The following GPR158 variants were observed in gnomAD, a reference collection of about 807,000 sequenced individuals.
GPR158 encodes G protein-coupled receptor 158, also known as metabotropic glycine receptor.
A neutral mutation model predicts 78.2 loss-of-function variants in GPR158; 30 were observed. That is an observed-to-expected ratio of 0.38 (90% CI 0.29 to 0.52). The LOEUF is 0.52. Among genes scored for constraint, GPR158 ranks in the 20% least tolerant of loss-of-function variants. GPR158 has a pLI of 0.83. For missense variants in GPR158, 1,463 were observed against 1,523.5 expected, an observed-to-expected ratio of 0.96 and a Z score of 0.66; for synonymous variants, 581 against 591.1, an observed-to-expected ratio of 0.98 and a Z score of 0.25.
In GPR158 at chr10:25,450,544, T is replaced by TA. The variant is rs559395098; in HGVS notation, c.1336-16102dup. ...TCACTTATCTTGCTTCCTTATTCCG[T>TA]AAAAATTTTTAAATGCTTACAGTAT... is the stretch of plus-strand genomic sequence containing the variant. On this transcript the variant is annotated intron_variant, in intron 4 of 10. Coordinates refer to ENST00000376351, the MANE Select transcript of GPR158 (RefSeq NM_020752.3). Among the ~76,000 whole-genome samples, 234 of 152,226 alleles carry TA rather than the reference T, an allele frequency of 1.5e-3. 1 individual carries two copies. Among genetic ancestry groups the TA allele is most frequent in the African/African-American group, 5.3e-3 (222 of 41,540 alleles).
At chr10:25,331,363 A>C (rs1855119754) in intron 2 of GPR158, among the ~76,000 whole-genome samples, 1 of 152,200 alleles carries the variant, frequency 6.6e-6, no homozygotes, top group Non-Finnish European at 1.5e-5. Flanking sequence ...AGTATACCAC[A>C]TTTAGCAGTA....
intron 2 of GPR158, among the ~76,000 whole-genome samples, chr10:25,276,585 T>C (rs1221523216): frequency 6.6e-6 from 1 of 152,122 alleles, no homozygotes; most frequent in Non-Finnish European, 1.5e-5. Flanking sequence ...GTGCAGTACA[T>C]TACATTAGTA....
intron 7 of GPR158, among the ~76,000 whole-genome samples, chr10:25,576,872 A>C (rs75766995): frequency 1.3e-5 from 2 of 150,322 alleles, no homozygotes; most frequent in Non-Finnish European, 3.0e-5. Context: ...TAAATTTTTG[A>C]TGGTGTTTTT....
At chr10:25,422,318 GC>G (rs1564450793) in intron 4 of GPR158, among the ~76,000 whole-genome samples, 2 of 152,082 alleles carry the variant, frequency 1.3e-5, no homozygotes, top group African/African-American at 4.8e-5. Context: ...TACCACCTAC[GC>G]TCCACCTGCT....
At chr10:25,369,195 C>A (rs1250375305) in intron 2 of GPR158, among the ~76,000 whole-genome samples, 1 of 151,038 alleles carries the variant, frequency 6.6e-6, no homozygotes, top group Non-Finnish European at 1.5e-5. Flanking sequence ...CCAGAACTTC[C>A]AACACTATGT....
chr10:25,378,602 T>C (rs1404344068), intron 2 of GPR158, among the ~76,000 whole-genome samples: 1 of 131,066 alleles, frequency 7.6e-6, no homozygotes, highest in African/African-American at 2.8e-5. Context: ...TTCCTTCTCT[T>C]TGCCAGTTAG....
intron 5 of GPR158, among the ~76,000 whole-genome samples, chr10:25,485,644 A>T (rs1835726322): frequency 6.6e-6 from 1 of 152,216 alleles, no homozygotes; most frequent in Admixed American, 6.5e-5. Context: ...TGAAGAAAAT[A>T]CATGGTATTT....
intron 7 of GPR158, among the ~76,000 whole-genome samples, chr10:25,577,952 C>T (rs77579806): frequency 1.1e-3 from 166 of 152,302 alleles, no homozygotes; most frequent in African/African-American, 3.7e-3. Flanking sequence ...GCAGAGTAGT[C>T]AGTTTTTCTT....
At chr10:25,570,322 A>T (rs1256641746) in intron 6 of GPR158, among the ~76,000 whole-genome samples, 1 of 152,250 alleles carries the variant, frequency 6.6e-6, no homozygotes, top group Non-Finnish European at 1.5e-5. Flanking sequence ...TTTAAAAAGT[A>T]TATAGATACT....
chr10:25,533,350 C>T (rs1019986256), intron 5 of GPR158, among the ~76,000 whole-genome samples: 2 of 152,166 alleles, frequency 1.3e-5, no homozygotes, highest in South Asian at 4.1e-4. Flanking sequence ...AGTCTCTGCC[C>T]TCAATTTACT....
intron 2 of GPR158, among the ~76,000 whole-genome samples, chr10:25,358,104 G>A (rs957745228): frequency 1.3e-5 from 2 of 152,084 alleles, no homozygotes; most frequent in Non-Finnish European, 2.9e-5. Flanking sequence ...GGGGCCTGTA[G>A]CCCCTTTGTT....
At chr10:25,200,057 C>T (rs539737863) in intron 1 of GPR158, among the ~76,000 whole-genome samples, 1 of 152,188 alleles carries the variant, frequency 6.6e-6, no homozygotes, top group South Asian at 2.1e-4. Flanking sequence ...GGTCAAATGG[C>T]ATTTTTGTTT....
intron 4 of GPR158, among the ~76,000 whole-genome samples, chr10:25,448,337 A>G (rs575303475): frequency 8.7e-4 from 132 of 151,512 alleles, no homozygotes; most frequent in African/African-American, 2.6e-3. Context: ...TGATCTGCCC[A>G]CCTTGGCCTC....
intron 5 of GPR158, among the ~76,000 whole-genome samples, chr10:25,473,982 G>A (rs929739848): frequency 6.6e-6 from 1 of 152,094 alleles, no homozygotes; most frequent in Non-Finnish European, 1.5e-5. Context: ...TAAAAACTTT[G>A]AGATGGGGAG....
chr10:25,417,130 C>T (rs985446963), intron 4 of GPR158, among the ~76,000 whole-genome samples: 1 of 152,134 alleles, frequency 6.6e-6, no homozygotes, highest in African/African-American at 2.4e-5. Flanking sequence ...GAAATTTCTC[C>T]TGTGGATCTT....
At chr10:25,472,798 T>C (rs1835526227) in intron 5 of GPR158, among the ~76,000 whole-genome samples, 1 of 152,240 alleles carries the variant, frequency 6.6e-6, no homozygotes, top group South Asian at 2.1e-4. Context: ...TTTTGCACAT[T>C]GATTTTGTAT....
chr10:25,433,299 G>A (rs887353900), intron 4 of GPR158, among the ~76,000 whole-genome samples: 20 of 149,934 alleles, frequency 1.3e-4, no homozygotes, highest in Non-Finnish European at 2.5e-4. Context: ...CTAGGCCTGC[G>A]TAAATTCTTT....
chr10:25,523,119 T>A (rs1836300622), intron 5 of GPR158, among the ~76,000 whole-genome samples: 1 of 152,120 alleles, frequency 6.6e-6, no homozygotes, highest in African/African-American at 2.4e-5. Flanking sequence ...AGTGCTGTCT[T>A]CCCTGCTGTT....
intron 2 of GPR158, among the ~76,000 whole-genome samples, chr10:25,237,923 C>T (rs1853546339): frequency 6.6e-6 from 1 of 151,876 alleles, no homozygotes; most frequent in African/African-American, 2.4e-5. Flanking sequence ...TTTCCACCTC[C>T]CTCTTTCCCT....
Sources: gnomAD v4.1 joint callset for allele counts (sites outside exome capture counted in the v4.1 genomes callset) on GRCh38, gnomAD v4.1.1 for gene constraint, MANE v1.5 for transcripts, NCBI Gene and HGNC (gene_info 2026-07-23, HGNC 2026-07-21) for gene names.